FAM114A2: variants seen among roughly 807,000 people sequenced by gnomAD.
FAM114A2 encodes the protein family with sequence similarity 114 member A2.
In FAM114A2, 53 loss-of-function variants were observed where a neutral mutation model predicts 58.4. The ratio of observed to expected loss-of-function variants is 0.91; its 90% CI spans 0.73 to 1.14. The LOEUF is 1.14. Among genes scored for constraint, FAM114A2 ranks in the 50% most tolerant of loss-of-function variants. FAM114A2 has a pLI of 0.00. For synonymous variants in FAM114A2, 228 were observed against 211.4 expected, an observed-to-expected ratio of 1.08 and a Z score of -0.68; for missense variants, 601 against 581.1, an observed-to-expected ratio of 1.03 and a Z score of -0.35.
At chr5:154,022,800 G>T (rs758009758) in intron 8 of FAM114A2, among the ~76,000 whole-genome samples, 12 of 152,112 alleles carry the variant, frequency 7.9e-5, no homozygotes, top group African/African-American at 2.7e-4. Flanking sequence ...ATACCCAAAG[G>T]ATTATAAATC....
chr5:153,998,265 T>C (rs1371817245), intron 11 of FAM114A2, among the ~76,000 whole-genome samples: 2 of 152,218 alleles, frequency 1.3e-5, no homozygotes, highest in African/African-American at 2.4e-5. Flanking sequence ...ATCTCGGTTA[T>C]CAGACTGACT....
intron 8 of FAM114A2, among the ~76,000 whole-genome samples, chr5:154,011,884 T>A (rs1770723922): frequency 1.3e-5 from 2 of 152,256 alleles, no homozygotes; most frequent in East Asian, 3.9e-4. Flanking sequence ...TGAGAATATC[T>A]AACGTAAGGG....
At chr5:154,021,735 T>C (rs1482983182) in intron 8 of FAM114A2, among the ~76,000 whole-genome samples, 1 of 152,174 alleles carries the variant, frequency 6.6e-6, no homozygotes, top group Non-Finnish European at 1.5e-5. Flanking sequence ...AGGTAATTTA[T>C]AGATTCAATG....
chr5:154,015,227 G>A (rs973988584), intron 8 of FAM114A2, among the ~76,000 whole-genome samples: 2 of 152,202 alleles, frequency 1.3e-5, no homozygotes, highest in South Asian at 4.1e-4. Context: ...ATACTCTTGG[G>A]AGTTCTAGGG....
rs769864208 is a variant in FAM114A2, at chr5:154,028,240, A to G, written c.539T>C (p.Ile180Thr). 19 of 1,610,760 alleles carry G rather than the reference A, an allele frequency of 1.2e-5. No homozygotes were observed. Among genetic ancestry groups the G allele is most frequent in the East Asian group, 4.5e-5 (2 of 44,856 alleles). ...ISGGLDALEF[I>T]GKKTMDVIAE... The stretch of plus-strand genomic sequence containing the variant: ...TATCACATCCATTGTCTTTTTTCCA[A>G]TGAATTCTAAGGCATCCAAACCCCC... Residue 180 changes from isoleucine to threonine, a missense_variant, in exon 6 of 14, where the codon ATT (isoleucine) becomes ACT (threonine). Coordinates refer to ENST00000351797, the MANE Select transcript of FAM114A2 (RefSeq NM_018691.4).
chr5:154,014,604 G>A (rs689799), intron 8 of FAM114A2, among the ~76,000 whole-genome samples: 89,534 of 151,956 alleles, frequency 0.59, 27,029 homozygotes, highest in East Asian at 0.76. Flanking sequence ...TCAATTTAGA[G>A]AGCCAAGTGA....
intron 1 of FAM114A2, chr5:154,036,333 C>T (rs2113525298): frequency 6.6e-6 from 1 of 152,272 alleles, no homozygotes; most frequent in South Asian, 2.1e-4. Flanking sequence ...CAATTCAATT[C>T]CTTCCAGATG....
chr5:154,030,797 A>G (rs539145097), intron 4 of FAM114A2, among the ~76,000 whole-genome samples: 3 of 152,350 alleles, frequency 2.0e-5, no homozygotes, highest in Non-Finnish European at 4.4e-5. Context: ...GGGAGGCTCC[A>G]TAAGTCTGTA....
At chr5:153,996,516 T>TG (rs1376200287) in intron 12 of FAM114A2, among the ~76,000 whole-genome samples, 5 of 151,058 alleles carry the variant, frequency 3.3e-5, no homozygotes, top group Non-Finnish European at 7.4e-5. Context: ...CTCATGGACT[T>TG]GGAGAAATAC....
intron 8 of FAM114A2, among the ~76,000 whole-genome samples, chr5:154,014,861 G>A (rs999487630): frequency 6.6e-6 from 1 of 152,192 alleles, no homozygotes; most frequent in Non-Finnish European, 1.5e-5. Context: ...GGGGAAAAAT[G>A]AAAGTCCTAC....
At position 154,026,388 on chromosome 5, in the gene FAM114A2, T is replaced by G. The variant is rs1430164293; in HGVS notation, c.913+11A>C. 6.5e-7 allele frequency: 1 copy of G among 1,547,026 alleles called. No homozygotes were observed. The highest frequency in any genetic ancestry group is 1.4e-5 in the African/African-American group (1 of 71,406). ...CATCCTCTCCACTCAGATACTAAATTTTCATATTACCTTTTTTCTCTTCTT... is the reference window on the plus strand; with the variant it reads ...CATCCTCTCCACTCAGATACTAAATGTTCATATTACCTTTTTTCTCTTCTT... On this transcript the variant is annotated intron_variant, in intron 8 of 13. Coordinates refer to ENST00000351797, the MANE Select transcript of FAM114A2 (RefSeq NM_018691.4).
chr5:154,019,238 C>A (rs1427567719), intron 8 of FAM114A2, among the ~76,000 whole-genome samples: 2 of 152,244 alleles, frequency 1.3e-5, no homozygotes, highest in East Asian at 1.9e-4. Flanking sequence ...CTTCAATACA[C>A]CAACAGTGAC....
At chr5:153,995,191 A>G in intron 12 of FAM114A2, 1 of 467,320 alleles carries the variant, frequency 2.1e-6, no homozygotes, top group South Asian at 3.9e-5. Flanking sequence ...TTGACAGTGT[A>G]TTGTTTTATA....
chr5:154,019,476 CA>C (rs1243580738), intron 8 of FAM114A2, among the ~76,000 whole-genome samples: 4 of 152,082 alleles, frequency 2.6e-5, no homozygotes, highest in Non-Finnish European at 5.9e-5. Flanking sequence ...TCTACAAATT[CA>C]ACACTATCCC....
At chr5:154,002,497 C>T (rs1329203679) in intron 10 of FAM114A2, 107 bp from the exon 11 acceptor site, 2 of 1,198,242 alleles carry the variant, frequency 1.7e-6, no homozygotes, top group African/African-American at 1.6e-5. Context: ...TAATAGTTGC[C>T]TTCCAATAAA....
chr5:153,993,097 G>T lies in FAM114A2; in HGVS notation c.1397C>A (p.Ala466Asp). 1 of 1,608,602 alleles carries T rather than the reference G, an allele frequency of 6.2e-7. No individual in the cohort carries two copies. The highest frequency in any genetic ancestry group is 8.5e-7 in the Non-Finnish European group (1 of 1,177,016). Residue 466 changes from alanine (A) to aspartate (D), a missense_variant, in exon 14 of 14, where the codon GCC becomes GAC. Physicochemically the swap from Ala to Asp is moderately radical, Grantham distance 126. Coordinates refer to ENST00000351797, the MANE Select transcript of FAM114A2 (RefSeq NM_018691.4). ...TAVFLEASNS[A>D]SYIQDAFQLL... The stretch of plus-strand genomic sequence containing the variant: ...CTGAAAGGCGTCCTGGATGTAGGAG[G>T]CACTGTTTGATGCCTGCCAGGATTG...
intron 13 of FAM114A2, among the ~76,000 whole-genome samples, chr5:153,994,238 A>G (rs556941840): frequency 2.0e-5 from 3 of 152,224 alleles, no homozygotes; most frequent in Non-Finnish European, 4.4e-5. Flanking sequence ...TTCAATTAAC[A>G]TCTAAAACTT....
At chr5:154,015,486 G>C (rs889758478) in intron 8 of FAM114A2, among the ~76,000 whole-genome samples, 1 of 152,192 alleles carries the variant, frequency 6.6e-6, no homozygotes, top group Non-Finnish European at 1.5e-5. Context: ...TGGAGCCTGG[G>C]AGACTTGCTG....
chr5:154,018,331 A>G (rs1771182084), intron 8 of FAM114A2, among the ~76,000 whole-genome samples: 1 of 152,202 alleles, frequency 6.6e-6, no homozygotes. Flanking sequence ...AAATTTCTGG[A>G]AAGATACAAC....
Sources: gnomAD v4.1 joint callset for allele counts (sites outside exome capture counted in the v4.1 genomes callset) on GRCh38, gnomAD v4.1.1 for gene constraint, MANE v1.5 for transcripts, NCBI Gene and HGNC (gene_info 2026-07-23, HGNC 2026-07-21) for gene names.